The following SND1 variants were observed in gnomAD, a reference collection of about 807,000 sequenced individuals.
SND1 encodes the protein staphylococcal nuclease domain-containing protein 1.
Under a neutral mutation model 121.7 loss-of-function variants are expected in SND1, and 38 were observed. The ratio of observed to expected loss-of-function variants is 0.31; its 90% CI spans 0.24 to 0.41. The LOEUF (loss-of-function observed/expected upper bound fraction) is 0.41. SND1 is among the 10% of genes least tolerant of loss of function. SND1 has a pLI of 1.00. For missense variants in SND1, 868 were observed against 1,184.6 expected, an observed-to-expected ratio of 0.73 and a Z score of 3.92; for synonymous variants, 401 against 447.4, an observed-to-expected ratio of 0.90 and a Z score of 1.31.
intron 9 of SND1, among the ~76,000 whole-genome samples, chr7:127,715,756 C>A (rs887826039): frequency 6.6e-6 from 1 of 152,084 alleles, no homozygotes; most frequent in Non-Finnish European, 1.5e-5. Context: ...GTTGCCTGTT[C>A]CTTTGGTGTC....
At chr7:127,955,824 G>A (rs542973077) in intron 15 of SND1, among the ~76,000 whole-genome samples, 1 of 152,294 alleles carries the variant, frequency 6.6e-6, no homozygotes, top group African/African-American at 2.4e-5. Flanking sequence ...ATCATGCCCT[G>A]CTTATAACTT....
At chr7:128,081,131 G>T (rs1025754554) in intron 17 of SND1, among the ~76,000 whole-genome samples, 4 of 151,946 alleles carry the variant, frequency 2.6e-5, no homozygotes, top group Admixed American at 1.3e-4. Flanking sequence ...CAAGTAGCTG[G>T]GATTACAGGC....
At chr7:127,720,560 T>C (rs947375877) in intron 9 of SND1, among the ~76,000 whole-genome samples, 1 of 152,184 alleles carries the variant, frequency 6.6e-6, no homozygotes. Context: ...CAGAGGAGTA[T>C]TTATGCTTTT....
At chr7:127,659,047 T>G (rs574021406) in intron 1 of SND1, among the ~76,000 whole-genome samples, 2 of 152,368 alleles carry the variant, frequency 1.3e-5, no homozygotes, top group African/African-American at 4.8e-5. Context: ...TAGGAAATTT[T>G]GTGCATTATC....
intron 16 of SND1, among the ~76,000 whole-genome samples, chr7:128,070,391 G>A (rs1252695581): frequency 1.3e-5 from 2 of 152,212 alleles, no homozygotes; most frequent in African/African-American, 2.4e-5. Context: ...ACATGTGCAC[G>A]TCAGTGCATG....
At chr7:127,682,489 C>A (rs758553621) in intron 1 of SND1, among the ~76,000 whole-genome samples, 18 of 152,186 alleles carry the variant, frequency 1.2e-4, no homozygotes, top group Non-Finnish European at 2.5e-4. Context: ...GTTCTAAGAT[C>A]ATTTTTCTAG....
intron 16 of SND1, among the ~76,000 whole-genome samples, chr7:128,011,862 A>AAAGAAAAGGGGG (rs1182787760): frequency 6.6e-6 from 1 of 152,234 alleles, no homozygotes; most frequent in African/African-American, 2.4e-5. Context: ...ATGCTTCCAC[A>AAAGAAAAGGGGG]AAGAAAAGGG....
At position 128,092,192 on chromosome 7, in the gene SND1, C is replaced by T. The variant is rs1793793402; in HGVS notation, c.*134C>T. On this transcript the variant is annotated 3_prime_UTR_variant, in exon 24 of 24. Transcript: ENST00000354725. The surrounding 1 kb of genome is among the most constrained non-coding windows in gnomAD (Gnocchi z 4.9). Reference sequence around the variant, plus strand: ...GCTTTGCTTCAGTGTGTGGAAATGTCTCGTGGGGTGGCATCGGGGCTGCGG... The same window carrying T: ...GCTTTGCTTCAGTGTGTGGAAATGTTTCGTGGGGTGGCATCGGGGCTGCGG... 1.0e-6 allele frequency: 1 copy of T among 970,428 alleles called. No individual in the cohort carries two copies. The highest frequency in any genetic ancestry group is 2.5e-5 in the East Asian group (1 of 39,830). 60.1% of individuals were successfully genotyped at this position (970,428 alleles called of 1,614,324 possible).
At chr7:127,865,290 GA>G (rs1158083841) in intron 12 of SND1, among the ~76,000 whole-genome samples, 1 of 152,198 alleles carries the variant, frequency 6.6e-6, no homozygotes. Context: ...TATCTATAAA[GA>G]ATTTGAAGTT....
chr7:127,819,624 A>G (rs1584596634), intron 11 of SND1, among the ~76,000 whole-genome samples: 1 of 152,180 alleles, frequency 6.6e-6, no homozygotes. Flanking sequence ...AAGTGCATCT[A>G]GTCTTTGTTC....
chr7:127,910,558 C>T (rs1205619235), intron 14 of SND1, among the ~76,000 whole-genome samples: 4 of 152,090 alleles, frequency 2.6e-5, no homozygotes, highest in Admixed American at 6.6e-5. Flanking sequence ...TGTTAAATTG[C>T]AGTTTTTCTT....
chr7:127,974,704 A>G (rs1345257119), intron 15 of SND1, among the ~76,000 whole-genome samples: 1 of 152,200 alleles, frequency 6.6e-6, no homozygotes. Context: ...AGGATTTTCC[A>G]GTTTAGTGAC....
chr7:127,814,965 G>A (rs1305417977), intron 11 of SND1, among the ~76,000 whole-genome samples: 1 of 152,106 alleles, frequency 6.6e-6, no homozygotes, highest in Non-Finnish European at 1.5e-5. Flanking sequence ...TTGTTTTAAT[G>A]TATTTAAAAT....
chr7:128,020,765 C>T (rs759511481), intron 16 of SND1, among the ~76,000 whole-genome samples: 1 of 152,320 alleles, frequency 6.6e-6, no homozygotes, highest in Non-Finnish European at 1.5e-5. Flanking sequence ...CTCCAGCGGG[C>T]ACAATGGATG....
intron 10 of SND1, among the ~76,000 whole-genome samples, chr7:127,736,205 T>C (rs373479016): frequency 6.6e-6 from 1 of 152,210 alleles, no homozygotes; most frequent in African/African-American, 2.4e-5. Flanking sequence ...GCCCTAGAAA[T>C]TTTCCTGATT....
chr7:127,741,800 C>T, intron 10 of SND1, among the ~76,000 whole-genome samples: 1 of 152,100 alleles, frequency 6.6e-6, no homozygotes, highest in Non-Finnish European at 1.5e-5. Flanking sequence ...ATTTAGTGTT[C>T]TTTTGGGGTA....
intron 10 of SND1, among the ~76,000 whole-genome samples, chr7:127,791,675 C>T (rs978335311): frequency 5.9e-5 from 9 of 152,184 alleles, no homozygotes; most frequent in Non-Finnish European, 1.0e-4. Flanking sequence ...TTATTTTTGA[C>T]AGCTGGCTTA....
intron 15 of SND1, among the ~76,000 whole-genome samples, chr7:127,972,629 T>A (rs936175293): frequency 6.6e-6 from 1 of 151,858 alleles, no homozygotes; most frequent in African/African-American, 2.4e-5. Flanking sequence ...TCTTGCTCTG[T>A]CACCCAGGGG....
chr7:127,710,447 CA>C (rs33999230), intron 9 of SND1, among the ~76,000 whole-genome samples: 354 of 119,928 alleles, frequency 3.0e-3, no homozygotes, highest in African/African-American at 2.9e-3. Flanking sequence ...AAGCTTACTA[CA>C]AAAAAAAAAA....
Sources: allele counts gnomAD v4.1 joint callset (sites outside exome capture counted in the v4.1 genomes callset), GRCh38; gene constraint gnomAD v4.1.1; non-coding constraint Gnocchi (gnomAD v3.1); transcripts MANE v1.5; gene names NCBI Gene and HGNC (gene_info 2026-07-23, HGNC 2026-07-21).